Variants in LRMDA observed in about 807,000 individuals in gnomAD.
The protein encoded by LRMDA is leucine rich melanocyte differentiation associated.
A neutral mutation model predicts 29.8 loss-of-function variants in LRMDA; 18 were observed. That is an observed-to-expected ratio of 0.60 (90% CI 0.42 to 0.90). The LOEUF is 0.90. LRMDA is among the 40% of genes least tolerant of loss of function. The pLI, the probability that LRMDA is intolerant of heterozygous loss-of-function variation, is 0.00. For synonymous variants in LRMDA, 125 were observed against 109.4 expected, an observed-to-expected ratio of 1.14 and a Z score of -0.89; for missense variants, 273 against 273.9, an observed-to-expected ratio of 1.00 and a Z score of 0.02.
At chr10:75,672,083 A>G (rs1246933616) in intron 2 of LRMDA, among the ~76,000 whole-genome samples, 1 of 152,210 alleles carries the variant, frequency 6.6e-6, no homozygotes, top group Admixed American at 6.5e-5. Flanking sequence ...CATTTCCTTC[A>G]AGCCACTTTG....
At chr10:76,384,006 C>T (rs1841629133) in intron 6 of LRMDA, among the ~76,000 whole-genome samples, 1 of 151,994 alleles carries the variant, frequency 6.6e-6, no homozygotes, top group Admixed American at 6.6e-5. Context: ...CCCTCTTTCT[C>T]TCTCTCTCCC....
At chr10:75,783,752 G>A (rs914150319) in intron 2 of LRMDA, among the ~76,000 whole-genome samples, 4 of 152,184 alleles carry the variant, frequency 2.6e-5, no homozygotes, top group Non-Finnish European at 4.4e-5. Context: ...CTAGGTGAAA[G>A]CGCCAGGCAC....
At chr10:76,479,385 C>T (rs368289104) in intron 6 of LRMDA, among the ~76,000 whole-genome samples, 5 of 152,030 alleles carry the variant, frequency 3.3e-5, no homozygotes, top group African/African-American at 9.6e-5. Flanking sequence ...TGTGCAGTCA[C>T]ACCCCACGCC....
chr10:75,596,697 G>A (rs1296715340), intron 2 of LRMDA, among the ~76,000 whole-genome samples: 1 of 152,230 alleles, frequency 6.6e-6, no homozygotes, highest in Admixed American at 6.5e-5. Flanking sequence ...AACATGCAAC[G>A]TCCTCCTTCT....
At chr10:76,351,840 G>C (rs1360379172) in intron 6 of LRMDA, among the ~76,000 whole-genome samples, 1 of 152,120 alleles carries the variant, frequency 6.6e-6, no homozygotes, top group East Asian at 1.9e-4. Flanking sequence ...CCGGACTCCT[G>C]TATAGGAGCA....
At chr10:76,535,459 C>T (rs558598800) in intron 6 of LRMDA, among the ~76,000 whole-genome samples, 96 of 152,180 alleles carry the variant, frequency 6.3e-4, no homozygotes, top group African/African-American at 2.3e-3. Flanking sequence ...GCTTATAATG[C>T]TTAAATAGGT....
chr10:76,247,016 T>C (rs1487076211), intron 5 of LRMDA, among the ~76,000 whole-genome samples: 2 of 152,186 alleles, frequency 1.3e-5, no homozygotes, highest in African/African-American at 4.8e-5. Flanking sequence ...TAACAGAGCA[T>C]GTATTCTCCA....
At chr10:75,971,711 T>C (rs990430115) in intron 2 of LRMDA, among the ~76,000 whole-genome samples, 1 of 152,178 alleles carries the variant, frequency 6.6e-6, no homozygotes, top group African/African-American at 2.4e-5. Flanking sequence ...GCTATTAGAA[T>C]TATTGGGTAT....
intron 2 of LRMDA, among the ~76,000 whole-genome samples, chr10:75,705,456 G>C (rs1052192908): frequency 1.3e-4 from 20 of 152,190 alleles, no homozygotes; most frequent in Admixed American, 1.2e-3. Context: ...TTTGAAATGG[G>C]TCTTTGGAAC....
chr10:75,505,588 C>G (rs1312485715), intron 2 of LRMDA, among the ~76,000 whole-genome samples: 1 of 152,168 alleles, frequency 6.6e-6, no homozygotes, highest in Non-Finnish European at 1.5e-5. Context: ...CATCTCAGCT[C>G]CCTTGACTTC....
intron 5 of LRMDA, among the ~76,000 whole-genome samples, chr10:76,096,637 T>G (rs2132097196): frequency 6.6e-6 from 1 of 152,276 alleles, no homozygotes; most frequent in African/African-American, 2.4e-5. Flanking sequence ...GCTTGTTAAT[T>G]TCTATAAAAA....
At chr10:75,727,070 G>A (rs7923462) in intron 2 of LRMDA, among the ~76,000 whole-genome samples, 1 of 150,678 alleles carries the variant, frequency 6.6e-6, no homozygotes, top group Non-Finnish European at 1.5e-5. Flanking sequence ...TGCATTGTGT[G>A]TGGCCTGTTT....
At chr10:76,256,386 T>C (rs1044595701) in intron 5 of LRMDA, among the ~76,000 whole-genome samples, 1 of 152,162 alleles carries the variant, frequency 6.6e-6, no homozygotes, top group African/African-American at 2.4e-5. Flanking sequence ...CATTAAACAC[T>C]CTGTTGTGCT....
At chr10:76,139,818 A>T (rs1246908747) in intron 5 of LRMDA, among the ~76,000 whole-genome samples, 3 of 152,110 alleles carry the variant, frequency 2.0e-5, no homozygotes, top group African/African-American at 7.2e-5. Context: ...TCTGACAGTT[A>T]TTGAGATTAA....
At chr10:75,979,158 C>T (rs1411411262) in intron 2 of LRMDA, among the ~76,000 whole-genome samples, 1 of 152,048 alleles carries the variant, frequency 6.6e-6, no homozygotes, top group Non-Finnish European at 1.5e-5. Context: ...AGTCATTGTT[C>T]TTATTGTTAT....
At chr10:75,722,508 C>T (rs1842580571) in intron 2 of LRMDA, among the ~76,000 whole-genome samples, 1 of 152,090 alleles carries the variant, frequency 6.6e-6, no homozygotes, top group African/African-American at 2.4e-5. Flanking sequence ...TACTCCCCAG[C>T]AAGTCTACCA....
intron 6 of LRMDA, among the ~76,000 whole-genome samples, chr10:76,523,451 C>G (rs1055879547): frequency 6.6e-6 from 1 of 152,130 alleles, no homozygotes; most frequent in Non-Finnish European, 1.5e-5. Context: ...CAACTCAAGG[C>G]GGGGTGAGAT....
chr10:75,771,406 T>C (rs1843239488), intron 2 of LRMDA, among the ~76,000 whole-genome samples: 1 of 152,160 alleles, frequency 6.6e-6, no homozygotes, highest in African/African-American at 2.4e-5. Context: ...AGGACATTTA[T>C]GCTGAGGCGC....
At chr10:76,254,489 T>A (rs1852553985) in intron 5 of LRMDA, among the ~76,000 whole-genome samples, 1 of 152,180 alleles carries the variant, frequency 6.6e-6, no homozygotes, top group Non-Finnish European at 1.5e-5. Flanking sequence ...CATATATTTG[T>A]GTTCCAAAAT....
Sources: gnomAD v4.1 joint callset for allele counts (sites outside exome capture counted in the v4.1 genomes callset) on GRCh38, gnomAD v4.1.1 for gene constraint, MANE v1.5 for transcripts, NCBI Gene and HGNC (gene_info 2026-07-23, HGNC 2026-07-21) for gene names.